Variants in GALNTL6 observed in about 807,000 individuals in gnomAD.
The protein encoded by GALNTL6 is polypeptide N-acetylgalactosaminyltransferase like 6, also known as polypeptide N-acetylgalactosaminyltransferase-like 6.
Under a neutral mutation model 73.7 loss-of-function variants are expected in GALNTL6, and 46 were observed. That is an observed-to-expected ratio of 0.62 (90% confidence interval 0.49 to 0.80). GALNTL6 has a LOEUF of 0.80. Ranked by LOEUF, GALNTL6 falls within the 30% of genes least tolerant of loss-of-function variation. The pLI is 0.00. For missense variants in GALNTL6, 604 were observed against 755.0 expected (o/e 0.80, Z 2.34); for synonymous variants, 259 against 263.7 (o/e 0.98, Z 0.17).
At chr4:172,492,493 T>G (rs1442549955) in intron 5 of GALNTL6, among the ~76,000 whole-genome samples, 1 of 152,190 alleles carries the variant, frequency 6.6e-6, no homozygotes, top group Non-Finnish European at 1.5e-5. Context: ...ATGTTGGCAA[T>G]TTGAAGAAAC....
At chr4:172,588,911 G>T (rs1162366823) in intron 5 of GALNTL6, among the ~76,000 whole-genome samples, 1 of 152,152 alleles carries the variant, frequency 6.6e-6, no homozygotes, top group African/African-American at 2.4e-5. Flanking sequence ...TTTATGTGGA[G>T]AAAAATGGCT....
rs1745557972 is a variant in GALNTL6, at chr4:172,883,332, T to A, written c.1041+425T>A. Among the ~76,000 whole-genome samples, 5 of 152,318 alleles carry A rather than the reference T, an allele frequency of 3.3e-5. No individual in the cohort carries two copies. In the South Asian group the frequency reaches 1.0e-3, roughly 32 times the overall value. ...ATTGCTATAAAGAAATATCTGAGAC[T>A]GGGTAATTTACAAAGAAAAGAAGTT... On this transcript the variant is annotated intron_variant, in intron 8 of 12. Transcript: ENST00000506823.
chr4:172,243,708 T>C (rs891134694), intron 3 of GALNTL6, among the ~76,000 whole-genome samples: 10 of 152,142 alleles, frequency 6.6e-5, no homozygotes, highest in Non-Finnish European at 5.9e-5. Flanking sequence ...GAAGTGGGAA[T>C]TTACCATGCT....
rs1380111542 is a variant in GALNTL6, at chr4:172,522,445, C to T, written c.553+173756C>T. ...CAGCACTTTGGGAGGCTGAAGGGGG[C>T]GGATCACCTGAGGTTGGGATTTCGA... On this transcript the variant is annotated intron_variant, in intron 5 of 12. Coordinates refer to ENST00000506823, the MANE Select transcript of GALNTL6 (RefSeq NM_001034845.3). Among the ~76,000 whole-genome samples, 11 of 152,014 alleles carry T rather than the reference C, an allele frequency of 7.2e-5. No homozygotes were observed. The East Asian group carries it at 7.7e-4, about 11-fold the overall frequency.
intron 5 of GALNTL6, among the ~76,000 whole-genome samples, chr4:172,469,448 A>C (rs942035828): frequency 1.7e-5 from 2 of 116,642 alleles, no homozygotes; most frequent in Admixed American, 9.4e-5. Context: ...TCTACAAAAA[A>C]TAAAAAAAAA....
At chr4:171,833,258 A>T (rs1735025220) in intron 2 of GALNTL6, among the ~76,000 whole-genome samples, 1 of 151,676 alleles carries the variant, frequency 6.6e-6, no homozygotes, top group African/African-American at 2.4e-5. Context: ...GGTGTTTAAT[A>T]TTTTTTATGA....
At chr4:172,281,814 C>G (rs141430745) in intron 3 of GALNTL6, among the ~76,000 whole-genome samples, 1 of 152,068 alleles carries the variant, frequency 6.6e-6, no homozygotes. Context: ...CTGCGAATTT[C>G]TTTTTGCCAT....
intron 5 of GALNTL6, among the ~76,000 whole-genome samples, chr4:172,407,956 T>C (rs902589841): frequency 1.4e-4 from 22 of 152,064 alleles, no homozygotes; most frequent in African/African-American, 4.3e-4. Flanking sequence ...TGCCAATATA[T>C]TATTTTGCTA....
chr4:171,827,009 A>G (rs762715493), intron 2 of GALNTL6, among the ~76,000 whole-genome samples: 1 of 152,166 alleles, frequency 6.6e-6, no homozygotes, highest in South Asian at 2.1e-4. Context: ...TTCAGAAACT[A>G]TTAAGTATAG....
intron 3 of GALNTL6, among the ~76,000 whole-genome samples, chr4:172,270,729 TGATA>T (rs34612752): frequency 3.2e-4 from 48 of 151,698 alleles, no homozygotes; most frequent in East Asian, 5.9e-4. Flanking sequence ...GGTAGGTAGA[TGATA>T]GATAGATAGA....
intron 7 of GALNTL6, among the ~76,000 whole-genome samples, chr4:172,835,260 T>C (rs1231887831): frequency 2.0e-5 from 3 of 152,164 alleles, no homozygotes; most frequent in Non-Finnish European, 4.4e-5. Flanking sequence ...AAACAAAAAG[T>C]GCTAACAACA....
intron 5 of GALNTL6, among the ~76,000 whole-genome samples, chr4:172,631,043 T>A (rs1356759614): frequency 2.0e-5 from 3 of 151,862 alleles, no homozygotes; most frequent in African/African-American, 7.3e-5. Flanking sequence ...ATTATGTAAA[T>A]GAAACATCAA....
chr4:172,330,097 C>T (rs1207108556), intron 4 of GALNTL6, among the ~76,000 whole-genome samples: 1 of 152,338 alleles, frequency 6.6e-6, no homozygotes, highest in East Asian at 1.9e-4. Context: ...ATCTGCAGAC[C>T]ATTACTGCTC....
At chr4:171,879,978 CA>C (rs779397795) in intron 2 of GALNTL6, among the ~76,000 whole-genome samples, 13 of 152,114 alleles carry the variant, frequency 8.5e-5, no homozygotes, top group Non-Finnish European at 1.6e-4. Context: ...TATTAATAAA[CA>C]ACCATTATTG....
At chr4:172,420,225 A>C (rs1731003006) in intron 5 of GALNTL6, among the ~76,000 whole-genome samples, 1 of 152,202 alleles carries the variant, frequency 6.6e-6, no homozygotes, top group Non-Finnish European at 1.5e-5. Context: ...AAGTGACATG[A>C]ATATCGTGAT....
chr4:172,328,392 C>G (rs796424889), intron 4 of GALNTL6, among the ~76,000 whole-genome samples: 3 of 152,058 alleles, frequency 2.0e-5, no homozygotes, highest in African/African-American at 7.2e-5. Flanking sequence ...TGTGTAGAAT[C>G]TTGTAGGGCT....
In GALNTL6 at chr4:172,561,940, G is replaced by A. The variant is rs1736388267; in HGVS notation, c.553+213251G>A. On this transcript the variant is annotated intron_variant, in intron 5 of 12. Coordinates refer to ENST00000506823, the MANE Select transcript of GALNTL6 (RefSeq NM_001034845.3). ...ACATGAATAGTAATAAGAAGTATAG[G>A]TGTTAAATCTCTAGCATTGAGTTCA... is the stretch of plus-strand genomic sequence containing the variant. Among the ~76,000 whole-genome samples the A allele has an allele frequency of 2.6e-5, 4 of 152,120 alleles. No homozygotes were observed. In the South Asian group the frequency reaches 8.3e-4, roughly 31 times the overall value.
intron 2 of GALNTL6, among the ~76,000 whole-genome samples, chr4:172,029,446 T>A (rs991610648): frequency 2.0e-5 from 3 of 152,098 alleles, no homozygotes; most frequent in African/African-American, 7.2e-5. Flanking sequence ...TATCGAATAC[T>A]GATCTATATG....
chr4:173,018,490 C>A (rs972962778), intron 11 of GALNTL6, among the ~76,000 whole-genome samples: 4 of 152,150 alleles, frequency 2.6e-5, no homozygotes, highest in African/African-American at 9.7e-5. Flanking sequence ...GGTAAAAATG[C>A]TCCAAGCCCT....
Sources: gnomAD v4.1 joint callset for allele counts (sites outside exome capture counted in the v4.1 genomes callset) on GRCh38, gnomAD v4.1.1 for gene constraint, MANE v1.5 for transcripts, NCBI Gene and HGNC (gene_info 2026-07-23, HGNC 2026-07-21) for gene names.